ATXN1: variants seen among roughly 807,000 people sequenced by gnomAD.
The protein encoded by ATXN1 is ataxin-1.
A neutral mutation model predicts 56.4 loss-of-function variants in ATXN1; 8 were observed. The ratio of observed to expected loss-of-function variants is 0.14; its 90% CI spans 0.08 to 0.26. The LOEUF (loss-of-function observed/expected upper bound fraction) is 0.26, where lower values mean the gene tolerates loss of function less well. Among genes scored for constraint, ATXN1 ranks in the 10% least tolerant of loss-of-function variants. The pLI is 1.00. For missense variants in ATXN1, 987 were observed against 1,106.5 expected (o/e 0.89, Z 1.53); for synonymous variants, 514 against 494.6 (o/e 1.04, Z -0.52).
chr6:16,679,525 T>C (rs1758769750), intron 2 of ATXN1, among the ~76,000 whole-genome samples: 1 of 152,202 alleles, frequency 6.6e-6, no homozygotes, highest in Non-Finnish European at 1.5e-5. Flanking sequence ...GTTCAAAAGT[T>C]AAGCAAAAGT....
intron 6 of ATXN1, among the ~76,000 whole-genome samples, chr6:16,399,715 C>T (rs1238111220): frequency 1.3e-5 from 2 of 152,168 alleles, no homozygotes; most frequent in African/African-American, 2.4e-5. Context: ...GTGCTACCAG[C>T]ATCCAGCGCA....
At chr6:16,550,070 C>T (rs1761891133) in intron 4 of ATXN1, among the ~76,000 whole-genome samples, 1 of 149,572 alleles carries the variant, frequency 6.7e-6, no homozygotes. Context: ...CAGCAAACCA[C>T]CAGAACACAT....
At chr6:16,537,561 C>T (rs528359061) in intron 4 of ATXN1, among the ~76,000 whole-genome samples, 4 of 151,996 alleles carry the variant, frequency 2.6e-5, no homozygotes, top group Non-Finnish European at 5.9e-5. Context: ...GCAAAATTAG[C>T]TGGACGTGGT....
intron 6 of ATXN1, among the ~76,000 whole-genome samples, chr6:16,432,070 T>C (rs1484180725): frequency 2.0e-5 from 3 of 152,166 alleles, no homozygotes; most frequent in South Asian, 2.1e-4. Flanking sequence ...GGTACTAATA[T>C]AAAAACTTGT....
At chr6:16,738,548 A>G (rs1172280929) in intron 2 of ATXN1, 1 of 152,236 alleles carries the variant, frequency 6.6e-6, no homozygotes. Flanking sequence ...AAGTATGTGT[A>G]TGGGTGTGTG....
chr6:16,416,054 G>A (rs1311642617), intron 6 of ATXN1, among the ~76,000 whole-genome samples: 4 of 142,126 alleles, frequency 2.8e-5, no homozygotes, highest in Non-Finnish European at 4.5e-5. Context: ...CGTCAGGAAA[G>A]TGTTTAATTT....
intron 6 of ATXN1, among the ~76,000 whole-genome samples, chr6:16,470,397 CA>C (rs938983598): frequency 3.3e-5 from 5 of 152,048 alleles, no homozygotes; most frequent in Non-Finnish European, 7.4e-5. Flanking sequence ...GAAGACAAGA[CA>C]ATGGAGATGG....
intron 2 of ATXN1, among the ~76,000 whole-genome samples, chr6:16,705,038 C>G (rs1220635450): frequency 1.3e-5 from 2 of 152,182 alleles, no homozygotes; most frequent in African/African-American, 4.8e-5. Context: ...ACCCAGTGAT[C>G]CTAAAATCCC....
In ATXN1 at chr6:16,327,986, G is replaced by A; in HGVS notation, c.325C>T (p.Pro109Ser). ...GGGGACACCGGGGTCCCTGGCTGCG[G>A]GGTGGCGTACGCGGCAGGCAGCGTG... The part of the protein sequence containing the change: ...ATTLPAAYAT[P>S]QPGTPVSPVQ... The change falls in exon 7 of 8, where the codon CCG (proline) becomes TCG (serine). Residue 109 changes from proline to serine, a missense_variant. Transcript: ENST00000436367. 6.2e-7 allele frequency: 1 copy of A among 1,613,572 alleles called. No homozygotes were observed. The highest frequency in any genetic ancestry group is 8.5e-7 in the Non-Finnish European group (1 of 1,179,782).
chr6:16,360,144 C>T (rs761686092), intron 6 of ATXN1, among the ~76,000 whole-genome samples: 2 of 152,152 alleles, frequency 1.3e-5, no homozygotes, highest in African/African-American at 2.4e-5. Flanking sequence ...AACAGAAAGA[C>T]TAAGAATGGC....
intron 5 of ATXN1, among the ~76,000 whole-genome samples, chr6:16,518,607 G>A (rs757875752): frequency 2.0e-5 from 3 of 152,118 alleles, no homozygotes; most frequent in Admixed American, 6.6e-5. Context: ...GACGGGAAGA[G>A]AACTCTTGTA....
chr6:16,561,338 A>G (rs1472096732), intron 4 of ATXN1, among the ~76,000 whole-genome samples: 1 of 152,208 alleles, frequency 6.6e-6, no homozygotes, highest in Non-Finnish European at 1.5e-5. Context: ...TTTTGCAATT[A>G]CAGGAGTTAA....
At chr6:16,641,105 A>AG (rs544348942) in intron 3 of ATXN1, among the ~76,000 whole-genome samples, 41 of 152,234 alleles carry the variant, frequency 2.7e-4, no homozygotes, top group Non-Finnish European at 5.6e-4. Flanking sequence ...GAGAGAGGTG[A>AG]GGAACTTGGA....
At position 16,685,041 on chromosome 6, in the gene ATXN1, G is replaced by A. The variant is rs535458664; in HGVS notation, c.-614-27140C>T. Among the ~76,000 whole-genome samples the A allele has an allele frequency of 9.3e-5, 14 of 149,890 alleles. No homozygotes were observed. The South Asian group carries it at 2.1e-3, about 23-fold the overall frequency. On this transcript the variant is annotated intron_variant, in intron 2 of 7. Coordinates refer to ENST00000436367, the MANE Select transcript of ATXN1 (RefSeq NM_001128164.2). ...AGACAACACACACACACACACATAC[G>A]TACATGCACACACACATACACACAC...
intron 6 of ATXN1, among the ~76,000 whole-genome samples, chr6:16,345,372 T>C (rs1178859539): frequency 6.6e-6 from 1 of 152,184 alleles, no homozygotes; most frequent in Non-Finnish European, 1.5e-5. Context: ...TAATTAAAGA[T>C]TGTCTTAGGC....
intron 6 of ATXN1, among the ~76,000 whole-genome samples, chr6:16,359,941 T>C (rs1174681315): frequency 6.6e-6 from 1 of 151,886 alleles, no homozygotes; most frequent in Non-Finnish European, 1.5e-5. Flanking sequence ...GGGTGAGGGA[T>C]AAATGACTAC....
intron 6 of ATXN1, among the ~76,000 whole-genome samples, chr6:16,479,715 G>A (rs1375420552): frequency 3.9e-5 from 6 of 152,004 alleles, no homozygotes; most frequent in Non-Finnish European, 7.4e-5. Context: ...TGAGCACTTC[G>A]AATTTATACC....
chr6:16,487,431 C>A (rs568625246), intron 5 of ATXN1, among the ~76,000 whole-genome samples: 16 of 152,120 alleles, frequency 1.1e-4, no homozygotes, highest in Non-Finnish European at 2.1e-4. Flanking sequence ...ACAAGTATAT[C>A]TCAAAATAAA....
chr6:16,487,004 T>C (rs368705061), intron 5 of ATXN1, among the ~76,000 whole-genome samples: 1 of 152,208 alleles, frequency 6.6e-6, no homozygotes, highest in Non-Finnish European at 1.5e-5. Context: ...CTTATTCATA[T>C]CCTGATCATT....
Sources: gnomAD v4.1 joint callset for allele counts (sites outside exome capture counted in the v4.1 genomes callset) on GRCh38, gnomAD v4.1.1 for gene constraint, MANE v1.5 for transcripts, NCBI Gene and HGNC (gene_info 2026-07-23, HGNC 2026-07-21) for gene names.